The following TAFA1 variants were observed in gnomAD, a reference collection of about 807,000 sequenced individuals.
TAFA1 encodes the protein chemokine-like protein TAFA-1.
In TAFA1, 4 loss-of-function variants were observed where a neutral mutation model predicts 18.5. The observed-to-expected ratio is 0.22, with a 90% CI of 0.11 to 0.49. TAFA1 has a LOEUF of 0.49. TAFA1 is among the 20% of genes least tolerant of loss of function. The probability of loss-of-function intolerance (pLI) is 0.98; values close to 1 mark genes in which losing one functional copy is unlikely to be tolerated. For synonymous variants in TAFA1, 56 were observed against 55.2 expected (o/e 1.01, Z -0.06); for missense variants, 147 against 169.0 (o/e 0.87, Z 0.72).
chr3:68,268,752 A>G (rs888742570), intron 2 of TAFA1, among the ~76,000 whole-genome samples: 5 of 152,084 alleles, frequency 3.3e-5, no homozygotes, highest in African/African-American at 1.2e-4. Context: ...AGGGGCTGCT[A>G]ATGTTGCTTA....
rs1203197581 is a variant in TAFA1 at position 68,202,239 on chromosome 3, G to T, written c.118+195495G>T. ...TTTCTCCATTTATTTTTAATCTGTG[G>T]GTATCTGTGTATTTACAGTTGGTTT... is the stretch of plus-strand genomic sequence containing the variant. On this transcript the variant is annotated intron_variant, in intron 2 of 4. Coordinates refer to ENST00000478136, the MANE Select transcript of TAFA1 (RefSeq NM_213609.4). Among the ~76,000 whole-genome samples the T allele has an allele frequency of 3.3e-5, 5 of 151,472 alleles. No individual in the cohort carries two copies. In the East Asian group the frequency reaches 9.8e-4, roughly 30 times the overall value.
intron 2 of TAFA1, among the ~76,000 whole-genome samples, chr3:68,035,950 C>A (rs1231746712): frequency 6.6e-6 from 1 of 152,104 alleles, no homozygotes; most frequent in African/African-American, 2.4e-5. Context: ...TATGTGCATT[C>A]TGGAAAAGGC....
intron 2 of TAFA1, among the ~76,000 whole-genome samples, chr3:68,157,848 G>A (rs893244637): frequency 2.6e-5 from 4 of 152,146 alleles, no homozygotes; most frequent in African/African-American, 7.2e-5. Context: ...ACAAAAATAA[G>A]TCTACTTGGT....
intron 3 of TAFA1, among the ~76,000 whole-genome samples, chr3:68,493,039 T>C (rs544211161): frequency 1.6e-4 from 24 of 152,228 alleles, no homozygotes; most frequent in African/African-American, 5.5e-4. Flanking sequence ...TTTTTAAGTG[T>C]ACAGTTTAGT....
chr3:68,153,188 A>G (rs2065827925), intron 2 of TAFA1, among the ~76,000 whole-genome samples: 1 of 152,232 alleles, frequency 6.6e-6, no homozygotes. Context: ...ATATTTTTAA[A>G]TGATACAAAA....
In TAFA1 at chr3:68,263,987, C is replaced by T. The variant is rs566855864; in HGVS notation, c.119-153293C>T. 1.1e-4 allele frequency among the ~76,000 whole-genome samples: 16 copies of T among 152,126 alleles called. No individual in the cohort carries two copies. In the East Asian group the frequency reaches 1.5e-3, roughly 15 times the overall value. ...TTTATTTTTTTAAATATACTCATTT[C>T]GGTCAAAATAAAGTAGATTTGAGGC... On this transcript the variant is annotated intron_variant, in intron 2 of 4. Coordinates refer to ENST00000478136, the MANE Select transcript of TAFA1 (RefSeq NM_213609.4).
At chr3:68,329,059 G>A (rs2068819407) in intron 2 of TAFA1, among the ~76,000 whole-genome samples, 1 of 149,998 alleles carries the variant, frequency 6.7e-6, no homozygotes, top group Non-Finnish European at 1.5e-5. Context: ...CCTTAGAGAA[G>A]TAAACAGTCT....
chr3:68,349,101 T>C (rs951512571), intron 2 of TAFA1, among the ~76,000 whole-genome samples: 43 of 151,706 alleles, frequency 2.8e-4, no homozygotes, highest in Non-Finnish European at 2.2e-4. Context: ...TCATTCCCTA[T>C]GGATTCAGAA....
At chr3:68,378,200 G>A (rs1040596508) in intron 2 of TAFA1, among the ~76,000 whole-genome samples, 2 of 152,188 alleles carry the variant, frequency 1.3e-5, no homozygotes, top group East Asian at 1.9e-4. Context: ...TGAACCATGT[G>A]CCTTGAAAAG....
intron 2 of TAFA1, among the ~76,000 whole-genome samples, chr3:68,324,176 T>C (rs372320732): frequency 2.6e-5 from 4 of 152,278 alleles, no homozygotes; most frequent in African/African-American, 9.6e-5. Context: ...CTTTTTTTCA[T>C]AAAGCTAAAT....
intron 2 of TAFA1, among the ~76,000 whole-genome samples, chr3:68,214,877 G>A (rs933943008): frequency 5.3e-5 from 8 of 151,932 alleles, no homozygotes; most frequent in African/African-American, 1.9e-4. Context: ...GAAGAAAAGA[G>A]AGACCCCACT....
chr3:68,439,826 A>G (rs2106863611), intron 3 of TAFA1, among the ~76,000 whole-genome samples: 1 of 152,164 alleles, frequency 6.6e-6, no homozygotes, highest in East Asian at 1.9e-4. Context: ...AGTATTAACA[A>G]TCACAAGTCC....
chr3:68,213,679 G>A (rs1030948088), intron 2 of TAFA1, among the ~76,000 whole-genome samples: 1 of 152,142 alleles, frequency 6.6e-6, no homozygotes, highest in Admixed American at 6.5e-5. Flanking sequence ...CGTGTTCCAA[G>A]TAATTTTATC....
chr3:68,403,611 A>G (rs184213643), intron 2 of TAFA1, among the ~76,000 whole-genome samples: 1 of 152,232 alleles, frequency 6.6e-6, no homozygotes, highest in South Asian at 2.1e-4. Flanking sequence ...TTCCATAAAT[A>G]TTATTGACAT....
chr3:68,440,126 A>G (rs549325629), intron 3 of TAFA1, among the ~76,000 whole-genome samples: 4 of 152,006 alleles, frequency 2.6e-5, no homozygotes, highest in African/African-American at 9.6e-5. Context: ...TGATTGAGTT[A>G]TGGGGGCAGA....
chr3:68,222,287 A>G (rs912241537), intron 2 of TAFA1, among the ~76,000 whole-genome samples: 4 of 152,196 alleles, frequency 2.6e-5, no homozygotes, highest in Admixed American at 6.5e-5. Context: ...GATGAATTTT[A>G]TGCCAGACAG....
At chr3:68,379,339 G>A (rs2069882192) in intron 2 of TAFA1, among the ~76,000 whole-genome samples, 1 of 151,906 alleles carries the variant, frequency 6.6e-6, no homozygotes, top group Admixed American at 6.6e-5. Context: ...TCCTTTAATG[G>A]GATTGTTTTA....
intron 2 of TAFA1, 80 bp from the exon 3 acceptor site, chr3:68,417,200 C>T: frequency 8.3e-7 from 1 of 1,202,736 alleles, no homozygotes; most frequent in Non-Finnish European, 1.2e-6. Context: ...TTTCCTCAAC[C>T]CCGCTACATG....
intron 2 of TAFA1, among the ~76,000 whole-genome samples, chr3:68,072,326 G>A (rs903934697): frequency 3.9e-5 from 6 of 152,258 alleles, no homozygotes; most frequent in African/African-American, 1.4e-4. Flanking sequence ...CGGGAAGTGA[G>A]GTTAGAGAAG....
Sources: gnomAD v4.1 joint callset for allele counts (sites outside exome capture counted in the v4.1 genomes callset) on GRCh38, gnomAD v4.1.1 for gene constraint, MANE v1.5 for transcripts, NCBI Gene and HGNC (gene_info 2026-07-23, HGNC 2026-07-21) for gene names.